The following MRTFB variants were observed in gnomAD, a reference collection of about 807,000 sequenced individuals.
MRTFB encodes the protein myocardin related transcription factor B.
MRTFB carries 29 observed loss-of-function variants against 104.2 expected under a neutral mutation model. The observed-to-expected ratio is 0.28, with a 90% CI of 0.21 to 0.38. The LOEUF is 0.38. MRTFB is among the 10% of genes least tolerant of loss of function. MRTFB has a pLI of 1.00. For synonymous variants in MRTFB, 535 were observed against 519.5 expected (o/e 1.03, Z -0.41); for missense variants, 1,270 against 1,341.6 (o/e 0.95, Z 0.83).
chr16:14,127,659 A>AAT (rs2037184947), intron 2 of MRTFB, among the ~76,000 whole-genome samples: 1 of 149,354 alleles, frequency 6.7e-6, no homozygotes, highest in African/African-American at 2.5e-5. Context: ...AAAAAAAAAA[A>AAT]ATAATGACGA....
intron 2 of MRTFB, among the ~76,000 whole-genome samples, chr16:14,117,999 A>C (rs868554575): frequency 5.9e-5 from 9 of 152,188 alleles, no homozygotes; most frequent in African/African-American, 1.9e-4. Flanking sequence ...AGCTTAGTCA[A>C]ATCTTAACAT....
intron 3 of MRTFB, among the ~76,000 whole-genome samples, chr16:14,166,730 A>G (rs960471388): frequency 1.4e-5 from 2 of 144,526 alleles, no homozygotes; most frequent in Non-Finnish European, 3.0e-5. Context: ...GTCATTGTTC[A>G]GCTCCCACCT....
chr16:14,218,680 C>A (rs2041541139), intron 7 of MRTFB, 140 bp from the exon 8 acceptor site: 3 of 730,622 alleles, frequency 4.1e-6, no homozygotes, highest in African/African-American at 1.8e-5. Flanking sequence ...TGTGTTCTTG[C>A]ACTGGGAGGT....
intron 13 of MRTFB, among the ~76,000 whole-genome samples, chr16:14,251,098 C>T (rs59382691): frequency 2.7e-3 from 415 of 152,078 alleles, no homozygotes; most frequent in African/African-American, 9.4e-3. Flanking sequence ...GAGAGTAGGC[C>T]GGGCGCGGTG....
At chr16:14,138,144 C>A (rs2037815539) in intron 2 of MRTFB, among the ~76,000 whole-genome samples, 1 of 151,814 alleles carries the variant, frequency 6.6e-6, no homozygotes, top group Non-Finnish European at 1.5e-5. Context: ...AGATATTTAC[C>A]CCTCTTTCAT....
At chr16:14,099,388 T>C (rs1210228280) in intron 2 of MRTFB, among the ~76,000 whole-genome samples, 1 of 151,390 alleles carries the variant, frequency 6.6e-6, no homozygotes, top group Non-Finnish European at 1.5e-5. Context: ...GTGGGTTTTT[T>C]TTTTTTTTTA....
At chr16:14,090,472 T>C (rs1164826477) in intron 2 of MRTFB, among the ~76,000 whole-genome samples, 2 of 152,218 alleles carry the variant, frequency 1.3e-5, no homozygotes, top group African/African-American at 4.8e-5. Flanking sequence ...CTGAGCACTT[T>C]GCAGGGCTTG....
intron 2 of MRTFB, among the ~76,000 whole-genome samples, chr16:14,098,144 C>CT (rs1168358093): frequency 6.6e-6 from 1 of 151,988 alleles, no homozygotes; most frequent in East Asian, 1.9e-4. Context: ...GTCTGTTTAA[C>CT]TTTTTTTTCA....
intron 3 of MRTFB, among the ~76,000 whole-genome samples, chr16:14,188,166 A>G (rs2040026546): frequency 6.6e-6 from 1 of 152,200 alleles, no homozygotes; most frequent in African/African-American, 2.4e-5. Flanking sequence ...GAACCAAACA[A>G]TGGAGTTGCC....
intron 8 of MRTFB, among the ~76,000 whole-genome samples, chr16:14,224,009 G>T (rs542094201): frequency 1.3e-5 from 2 of 152,190 alleles, no homozygotes; most frequent in Admixed American, 6.5e-5. Context: ...CAGGAGGCAT[G>T]GCTGGGGAGG....
At chr16:14,144,531 T>C (rs1319856654) in intron 3 of MRTFB, 9 of 152,114 alleles carry the variant, frequency 5.9e-5, no homozygotes, top group African/African-American at 2.2e-4. Context: ...TGAAAATTGC[T>C]AAGATAGTAG....
rs2042223246 is a variant in MRTFB at position 14,230,796 on chromosome 16, G to T, written c.694-3350G>T. Among the ~76,000 whole-genome samples, 2 of 151,944 alleles carry T rather than the reference G, an allele frequency of 1.3e-5. 1 individual carries two copies. Among genetic ancestry groups the T allele is most frequent in the South Asian group, 4.1e-4 (2 of 4,822 alleles). On this transcript the variant is annotated intron_variant, in intron 8 of 16. Coordinates refer to ENST00000571589, the MANE Select transcript of MRTFB (RefSeq NM_001308142.2). ...TCCCATTACCGGGTATATACCCAAA[G>T]GACTATAAATCATGCTGCTATAAAG... is the stretch of plus-strand genomic sequence containing the variant.
chr16:14,167,979 G>A (rs982782347), intron 3 of MRTFB, among the ~76,000 whole-genome samples: 6 of 152,200 alleles, frequency 3.9e-5, no homozygotes, highest in Non-Finnish European at 8.8e-5. Flanking sequence ...GAGCCACCGC[G>A]CCCGGCCAAT....
At chr16:14,252,820 G>C (rs117624863) in intron 15 of MRTFB, among the ~76,000 whole-genome samples, 2 of 152,076 alleles carry the variant, frequency 1.3e-5, no homozygotes, top group Non-Finnish European at 2.9e-5. Context: ...ATTTTATACA[G>C]GTCCCTTCTT....
chr16:14,105,352 A>G (rs2035914222), intron 2 of MRTFB, among the ~76,000 whole-genome samples: 1 of 151,960 alleles, frequency 6.6e-6, no homozygotes, highest in South Asian at 2.1e-4. Flanking sequence ...AAAAAAGAAA[A>G]GTTGCACTTT....
intron 3 of MRTFB, chr16:14,186,621 G>A: frequency 9.6e-7 from 1 of 1,037,416 alleles, no homozygotes; most frequent in African/African-American, 1.7e-5. Context: ...AAGGGAAAGG[G>A]GGCTGGCTGG....
Position 14,261,860 on chromosome 16 carries a change from C to T in MRTFB, c.*416C>T, listed in dbSNP as rs1430803791. On this transcript the variant is annotated 3_prime_UTR_variant, in exon 17 of 17. Coordinates refer to ENST00000571589, the MANE Select transcript of MRTFB (RefSeq NM_001308142.2). ...AGACAGCTCCACTCAAAAACTAAGG[C>T]TGATGTGAGGGAGGTGAGAGGTCAC... The T allele has an allele frequency of 6.4e-6, 1 of 156,764 alleles. No homozygotes were observed. Among genetic ancestry groups the T allele is most frequent in the Middle Eastern group, 3.0e-3 (1 of 328 alleles). The allele number at this position is 156,764 out of a possible 1,614,324, so 9.7% of individuals were successfully genotyped here. A position where few individuals can be genotyped will look rare whatever the true frequency, so the allele number is the denominator to read the frequency against.
intron 1 of MRTFB, among the ~76,000 whole-genome samples, chr16:14,075,237 T>C (rs911171035): frequency 2.0e-5 from 3 of 152,252 alleles, no homozygotes; most frequent in Non-Finnish European, 4.4e-5. Flanking sequence ...CTGTCTAATA[T>C]TGAGTGCAGG....
At chr16:14,083,917 A>G (rs977994414) in intron 2 of MRTFB, among the ~76,000 whole-genome samples, 4 of 152,094 alleles carry the variant, frequency 2.6e-5, no homozygotes, top group African/African-American at 4.8e-5. Flanking sequence ...AAAAAATAGT[A>G]TTTTTTTGAG....
Sources: gnomAD v4.1 joint callset for allele counts (sites outside exome capture counted in the v4.1 genomes callset) on GRCh38, gnomAD v4.1.1 for gene constraint, MANE v1.5 for transcripts, NCBI Gene and HGNC (gene_info 2026-07-23, HGNC 2026-07-21) for gene names.